Variants in DDX27 observed in about 807,000 individuals in gnomAD.
DDX27 encodes DEAD-box helicase 27, also known as probable ATP-dependent RNA helicase DDX27.
Under a neutral mutation model 99.3 loss-of-function variants are expected in DDX27, and 42 were observed. That is an observed-to-expected ratio of 0.42 (90% CI 0.33 to 0.55). The LOEUF is 0.55. Ranked by LOEUF, DDX27 falls within the 20% of genes least tolerant of loss-of-function variation. DDX27 has a pLI of 0.07. For synonymous variants in DDX27, 329 were observed against 353.8 expected, an observed-to-expected ratio of 0.93 and a Z score of 0.79; for missense variants, 798 against 976.8, an observed-to-expected ratio of 0.82 and a Z score of 2.44.
chr20:49,221,360 T>G, intron 1 of DDX27, 92 bp from the exon 2 acceptor site: 2 of 1,496,606 alleles, frequency 1.3e-6, no homozygotes, highest in Admixed American at 1.8e-5. Flanking sequence ...AGTGCTGGGA[T>G]TACAGGTGTG....
At position 49,242,135 on chromosome 20, in the gene DDX27, G is replaced by T; in HGVS notation, c.2045G>T (p.Arg682Leu). The T allele has an allele frequency of 6.2e-7, 1 of 1,614,188 alleles. No individual in the cohort carries two copies. Among genetic ancestry groups the T allele is most frequent in the Non-Finnish European group, 8.5e-7 (1 of 1,180,028 alleles). ...CTCAAGGCGCAGATGTTTGCTGAAC[G>T]GCTAGCGAAGAGGAATCGCAGAGCC... The part of the protein sequence containing the change: ...EILKAQMFAE[R>L]LAKRNRRAKR... The change falls in exon 18 of 21, where the codon CGG becomes CTG. Residue 682 changes from arginine to leucine, a missense_variant. Around this residue, in one of 2 missense-constraint regions of DDX27, gnomAD observed 553 missense variants for 727.9 expected, o/e 0.76. Transcript: ENST00000618172.
chr20:49,225,888 C>G (rs544206644), intron 6 of DDX27, among the ~76,000 whole-genome samples: 1 of 152,148 alleles, frequency 6.6e-6, no homozygotes, highest in Admixed American at 6.6e-5. Flanking sequence ...CCTTCTGGCC[C>G]TCTCTGACGA....
chr20:49,225,238 T>A (rs1311778156), intron 6 of DDX27, 39 bp downstream of exon 6: 3 of 1,508,522 alleles, frequency 2.0e-6, no homozygotes, highest in Non-Finnish European at 2.8e-6. Context: ...TGTAGAAGCA[T>A]GGTCTTGCTA....
At chr20:49,221,305 C>T (rs1300047651) in intron 1 of DDX27, 147 bp from the exon 2 acceptor site, 1 of 784,966 alleles carries the variant, frequency 1.3e-6, no homozygotes, top group Non-Finnish European at 2.0e-6. Context: ...GTTGGTCAGG[C>T]TGGTCTTGAA....
At chr20:49,241,050 T>A (rs1980460972) in intron 16 of DDX27, among the ~76,000 whole-genome samples, 1 of 152,128 alleles carries the variant, frequency 6.6e-6, no homozygotes, top group Non-Finnish European at 1.5e-5. Context: ...ACCCAAAAAA[T>A]AATCATTTGT....
At chr20:49,235,111 A>G (rs1980260637) in intron 12 of DDX27, 23 bp downstream of exon 12, 2 of 1,570,518 alleles carry the variant, frequency 1.3e-6, no homozygotes, top group Admixed American at 3.8e-5. Context: ...GTGGGGACTG[A>G]GGCTCCCACC....
intron 8 of DDX27, among the ~76,000 whole-genome samples, chr20:49,229,661 T>C (rs867065743): frequency 9.3e-5 from 14 of 151,326 alleles, no homozygotes; most frequent in Middle Eastern, 3.4e-3. Flanking sequence ...TTTTTTTTTT[T>C]TTTTTGAGAG....
At position 49,233,665 on chromosome 20, in the gene DDX27, G is replaced by A. The variant is rs1445750983; in HGVS notation, c.1229G>A (p.Arg410Gln). The change falls in exon 11 of 21, where the codon CGG (arginine) becomes CAG (glutamine). Residue 410 changes from arginine to glutamine, a missense_variant. Arg to Gln is a conservative substitution (Grantham distance 43). Coordinates refer to ENST00000618172, the MANE Select transcript of DDX27 (RefSeq NM_017895.8). ...CCCTTCCTGCGGCAGGAGTTCATCC[G>A]GATCCGGCCTAATCGTGAAGGAGAC... ...VAPFLRQEFI[R>Q]IRPNREGDRE... The A allele has an allele frequency of 3.7e-6, 6 of 1,613,860 alleles. No homozygotes were observed. Among genetic ancestry groups the A allele is most frequent in the African/African-American group, 1.3e-5 (1 of 74,926 alleles).
intron 9 of DDX27, 113 bp downstream of exon 9, chr20:49,230,462 G>A: frequency 7.8e-7 from 1 of 1,275,214 alleles, no homozygotes; most frequent in Non-Finnish European, 1.1e-6. Context: ...GGCTGTTGGT[G>A]TGCGATACCA....
intron 4 of DDX27, among the ~76,000 whole-genome samples, chr20:49,223,845 A>G (rs966726947): frequency 6.6e-6 from 1 of 151,960 alleles, no homozygotes; most frequent in African/African-American, 2.4e-5. Flanking sequence ...TGTCCCACTG[A>G]ACTTAACCCT....
chr20:49,243,722 G>T lies in DDX27; in HGVS notation c.2279+19G>T. 1 of 1,614,082 alleles carries T rather than the reference G, an allele frequency of 6.2e-7. No individual in the cohort carries two copies. Among genetic ancestry groups the T allele is most frequent in the Non-Finnish European group, 8.5e-7 (1 of 1,179,950 alleles). On this transcript the variant is annotated intron_variant, in intron 20 of 20. Coordinates refer to ENST00000618172, the MANE Select transcript of DDX27 (RefSeq NM_017895.8). ...AATCCAGGTGATACTGGCTGTTTTGGAGGGGCATAGGTTTTGGGATTAGAG... is the reference window on the plus strand; with the variant it reads ...AATCCAGGTGATACTGGCTGTTTTGTAGGGGCATAGGTTTTGGGATTAGAG...
At chr20:49,225,717 A>T (rs1979862722) in intron 6 of DDX27, among the ~76,000 whole-genome samples, 1 of 151,974 alleles carries the variant, frequency 6.6e-6, no homozygotes, top group African/African-American at 2.4e-5. Flanking sequence ...AGCCTCCCAA[A>T]GTGCTGGGAC....
intron 1 of DDX27, among the ~76,000 whole-genome samples, chr20:49,220,310 C>T (rs190210356): frequency 6.6e-6 from 1 of 152,272 alleles, no homozygotes; most frequent in African/African-American, 2.4e-5. Flanking sequence ...TCTTAAGCTT[C>T]TCCCGCCTCT....
At chr20:49,235,746 ATT>A (rs1403906799) in intron 12 of DDX27, 24 of 143,412 alleles carry the variant, frequency 1.7e-4, no homozygotes, top group Non-Finnish European at 2.3e-4. Context: ...ATCTATCCCT[ATT>A]TTTTTTTTTT....
rs1980052585 is a variant in DDX27 at position 49,230,211 on chromosome 20, T to G, written c.893T>G (p.Val298Gly). 1.9e-6 allele frequency: 3 copies of G among 1,612,476 alleles called. No individual in the cohort carries two copies. In the Admixed American group the frequency reaches 5.0e-5, roughly 27 times the overall value. Residue 298 changes from valine (V) to glycine (G), a missense_variant, in exon 9 of 21, where the codon GTG (valine) becomes GGG (glycine). By Grantham distance (109) the Val-to-Gly change is moderately radical. Coordinates refer to ENST00000618172, the MANE Select transcript of DDX27 (RefSeq NM_017895.8). ...TTCLAVGGLDVKSQEAALRAA... is the reference protein window; with the variant it reads ...TTCLAVGGLDGKSQEAALRAA... ...CTTCTCTTTGCAGGCGGCTTGGATG[T>G]GAAGTCTCAGGAAGCAGCTCTTCGG... is the stretch of plus-strand genomic sequence containing the variant.
At chr20:49,224,233 C>T (rs1434182891) in intron 4 of DDX27, among the ~76,000 whole-genome samples, 1 of 152,110 alleles carries the variant, frequency 6.6e-6, no homozygotes, top group Non-Finnish European at 1.5e-5. Context: ...TGTTGTACTT[C>T]ATAGGTAGTT....
chr20:49,243,138 C>T (rs1418281906), intron 19 of DDX27, among the ~76,000 whole-genome samples: 2 of 152,118 alleles, frequency 1.3e-5, no homozygotes, highest in African/African-American at 4.8e-5. Flanking sequence ...TCTCCACCCC[C>T]CACCCCTCTC....
At chr20:49,221,686 C>T (rs1979693851) in intron 2 of DDX27, 88 bp downstream of exon 2, 3 of 1,174,088 alleles carry the variant, frequency 2.6e-6, no homozygotes, top group Non-Finnish European at 3.5e-6. Flanking sequence ...CCTGACTGAC[C>T]ATCTGTTTAC....
intron 1 of DDX27, 139 bp from the exon 2 acceptor site, chr20:49,221,313 G>A: frequency 1.1e-6 from 1 of 887,590 alleles, no homozygotes. Flanking sequence ...GGCTGGTCTT[G>A]AACTCCTGAC....
Sources: gnomAD v4.1 joint callset for allele counts (sites outside exome capture counted in the v4.1 genomes callset) on GRCh38, gnomAD v4.1.1 for gene constraint, gnomAD v4.1.1 regional missense constraint, MANE v1.5 for transcripts, NCBI Gene and HGNC (gene_info 2026-07-23, HGNC 2026-07-21) for gene names.